LDB2: variants seen among roughly 807,000 people sequenced by gnomAD.
LDB2 encodes LIM domain-binding protein 2.
LDB2 carries 12 observed loss-of-function variants against 44.3 expected under a neutral mutation model. The observed-to-expected ratio is 0.27, with a 90% CI of 0.17 to 0.44. The LOEUF (loss-of-function observed/expected upper bound fraction) is 0.44. Ranked by LOEUF, LDB2 falls within the 20% of genes least tolerant of loss-of-function variation. The pLI, the probability that LDB2 is intolerant of heterozygous loss-of-function variation, is 1.00. For missense variants in LDB2, 344 were observed against 473.5 expected (o/e 0.73, Z 2.54); for synonymous variants, 164 against 174.8 (o/e 0.94, Z 0.49).
At chr4:16,626,214 C>T (rs567934486) in intron 2 of LDB2, among the ~76,000 whole-genome samples, 131 of 152,262 alleles carry the variant, frequency 8.6e-4, no homozygotes, top group African/African-American at 3.1e-3. Context: ...TGTTCTCTTT[C>T]CATCTGCCTC....
At chr4:16,706,588 G>A (rs1754666672) in intron 2 of LDB2, among the ~76,000 whole-genome samples, 1 of 152,224 alleles carries the variant, frequency 6.6e-6, no homozygotes. Context: ...TGGGTGTTAA[G>A]TTATTTATGC....
intron 5 of LDB2, among the ~76,000 whole-genome samples, chr4:16,554,879 T>C (rs1410158609): frequency 6.6e-6 from 1 of 152,216 alleles, no homozygotes; most frequent in Non-Finnish European, 1.5e-5. Flanking sequence ...ACCTCTAGAA[T>C]GTACAACACC....
chr4:16,588,042 G>A (rs1463685670), intron 4 of LDB2, among the ~76,000 whole-genome samples: 4 of 151,476 alleles, frequency 2.6e-5, no homozygotes, highest in African/African-American at 9.7e-5. Flanking sequence ...TATTATAGAG[G>A]AGAGACTTAA....
chr4:16,671,390 C>T (rs1389410582), intron 2 of LDB2, among the ~76,000 whole-genome samples: 2 of 152,020 alleles, frequency 1.3e-5, no homozygotes, highest in African/African-American at 2.4e-5. Context: ...TAAGATACTC[C>T]GTGTAAAAAA....
At chr4:16,740,847 G>A (rs191487178) in intron 2 of LDB2, among the ~76,000 whole-genome samples, 1 of 152,178 alleles carries the variant, frequency 6.6e-6, no homozygotes, top group African/African-American at 2.4e-5. Context: ...TGCAATGCGT[G>A]TATTTTACTT....
chr4:16,670,573 A>G (rs1472041998), intron 2 of LDB2, among the ~76,000 whole-genome samples: 1 of 152,250 alleles, frequency 6.6e-6, no homozygotes, highest in Non-Finnish European at 1.5e-5. Context: ...TAAATAAATA[A>G]AAACAGAGTC....
intron 2 of LDB2, among the ~76,000 whole-genome samples, chr4:16,614,016 T>A (rs931232003): frequency 6.6e-6 from 1 of 152,200 alleles, no homozygotes; most frequent in Non-Finnish European, 1.5e-5. Context: ...GACTTCAAAC[T>A]ATACTACAAG....
intron 5 of LDB2, among the ~76,000 whole-genome samples, chr4:16,526,680 T>C (rs1233876182): frequency 9.2e-5 from 14 of 152,194 alleles, no homozygotes; most frequent in Non-Finnish European, 1.9e-4. Flanking sequence ...TGGCCTGACA[T>C]TGTGTCTTTG....
At position 16,701,312 on chromosome 4, in the gene LDB2, C is replaced by T. The variant is rs529984210; in HGVS notation, c.235+57846G>A. On this transcript the variant is annotated intron_variant, in intron 2 of 7. Coordinates refer to ENST00000304523, the MANE Select transcript of LDB2 (RefSeq NM_001290.5). ...TAGTCTACTGACCAACCTCAACACC[C>T]ATTTTGCTCCCAGAAGTGAAGAAAG... 2.0e-5 allele frequency among the ~76,000 whole-genome samples: 3 copies of T among 152,284 alleles called. No individual in the cohort carries two copies. In the South Asian group the frequency reaches 6.2e-4, roughly 32 times the overall value.
At chr4:16,677,696 T>A (rs2152564759) in intron 2 of LDB2, among the ~76,000 whole-genome samples, 1 of 152,368 alleles carries the variant, frequency 6.6e-6, no homozygotes, top group Non-Finnish European at 1.5e-5. Context: ...GGCACTCATG[T>A]AATTTATTGT....
chr4:16,891,996 T>C (rs1723548011), intron 1 of LDB2, among the ~76,000 whole-genome samples: 1 of 152,172 alleles, frequency 6.6e-6, no homozygotes, highest in Non-Finnish European at 1.5e-5. Flanking sequence ...TTAGTAAAAG[T>C]GCAGATGTTA....
At chr4:16,520,908 A>G (rs1238777026) in intron 5 of LDB2, among the ~76,000 whole-genome samples, 1 of 152,088 alleles carries the variant, frequency 6.6e-6, no homozygotes, top group Non-Finnish European at 1.5e-5. Flanking sequence ...CTCTGATTCT[A>G]CAGCCATAAT....
intron 1 of LDB2, among the ~76,000 whole-genome samples, chr4:16,857,636 C>A (rs1789616844): frequency 6.6e-6 from 1 of 152,220 alleles, no homozygotes; most frequent in Non-Finnish European, 1.5e-5. Context: ...CCATGACACG[C>A]TGAGACCCTC....
At chr4:16,578,889 C>T (rs1050945035) in intron 5 of LDB2, among the ~76,000 whole-genome samples, 2 of 152,062 alleles carry the variant, frequency 1.3e-5, no homozygotes, top group African/African-American at 4.8e-5. Flanking sequence ...CTGTCATTTA[C>T]AACAAAATGG....
intron 1 of LDB2, among the ~76,000 whole-genome samples, chr4:16,766,490 GTGTGTGTGTGTGTGTA>G (rs1769285933): frequency 1.6e-5 from 2 of 125,446 alleles, no homozygotes; most frequent in South Asian, 2.9e-4. Context: ...GTGTGTGTGT[GTGTGTGTGTGTGTGTA>G]TATATTTTTT....
chr4:16,817,785 G>C (rs1781222902), intron 1 of LDB2, among the ~76,000 whole-genome samples: 1 of 152,116 alleles, frequency 6.6e-6, no homozygotes, highest in Admixed American at 6.5e-5. Context: ...AATCAATTAA[G>C]TATCGAGCGC....
intron 5 of LDB2, among the ~76,000 whole-genome samples, chr4:16,569,706 C>T (rs1054900354): frequency 2.6e-5 from 4 of 152,106 alleles, no homozygotes; most frequent in Non-Finnish European, 5.9e-5. Flanking sequence ...AGCTGCTTGG[C>T]GTCAGTTTCC....
At chr4:16,654,714 T>C (rs34502405) in intron 2 of LDB2, among the ~76,000 whole-genome samples, 133 of 152,082 alleles carry the variant, frequency 8.7e-4, no homozygotes, top group African/African-American at 3.1e-3. Flanking sequence ...TGTGAAAGAA[T>C]AGGGCATTTT....
At chr4:16,809,098 ATCCC>A (rs1464436277) in intron 1 of LDB2, among the ~76,000 whole-genome samples, 2 of 152,190 alleles carry the variant, frequency 1.3e-5, no homozygotes, top group Admixed American at 1.3e-4. Context: ...AAAGTCTAAG[ATCCC>A]CTAAATCTTA....
Sources: allele counts gnomAD v4.1 joint callset (sites outside exome capture counted in the v4.1 genomes callset), GRCh38; gene constraint gnomAD v4.1.1; transcripts MANE v1.5; gene names NCBI Gene and HGNC (gene_info 2026-07-23, HGNC 2026-07-21).